Variants in NTM observed in about 807,000 individuals in gnomAD.
NTM encodes IgLON family member 2.
A neutral mutation model predicts 42.1 loss-of-function variants in NTM; 13 were observed. The observed-to-expected ratio is 0.31, with a 90% confidence interval of 0.20 to 0.49. NTM has a LOEUF of 0.49. Among genes scored for constraint, NTM ranks in the 20% least tolerant of loss-of-function variants. The pLI is 0.99. For missense variants in NTM, 373 were observed against 452.8 expected (o/e 0.82, Z 1.60); for synonymous variants, 187 against 179.2 (o/e 1.04, Z -0.35).
intron 2 of NTM, among the ~76,000 whole-genome samples, chr11:132,036,395 G>A (rs932000288): frequency 2.0e-5 from 3 of 152,166 alleles, no homozygotes; most frequent in African/African-American, 4.8e-5. Context: ...TCCACTCAGC[G>A]AGGAGATGAC....
At chr11:131,697,261 G>A (rs2075568831) in intron 1 of NTM, among the ~76,000 whole-genome samples, 1 of 152,188 alleles carries the variant, frequency 6.6e-6, no homozygotes, top group South Asian at 2.1e-4. Flanking sequence ...CAGTCGGATG[G>A]GTCTCTCAGA....
chr11:132,296,472 A>G (rs770014907), intron 4 of NTM, among the ~76,000 whole-genome samples: 2 of 152,108 alleles, frequency 1.3e-5, no homozygotes, highest in Non-Finnish European at 2.9e-5. Context: ...AACTTCTCTC[A>G]TATAATTTTC....
In NTM at chr11:132,331,800, T is replaced by C. The variant is rs555632539; in HGVS notation, c.967+1615T>C. Among the ~76,000 whole-genome samples, 3 of 152,162 alleles carry C rather than the reference T, an allele frequency of 2.0e-5. No homozygotes were observed. The East Asian group carries it at 5.8e-4, about 29-fold the overall frequency. ...CTGAAGGCTGGAAGAGGAGCTGGAA[T>C]GAAGAATAAGAGTGATATGGGTGAG... On this transcript the variant is annotated intron_variant, in intron 8 of 8. Transcript: ENST00000683400.
intron 3 of NTM, among the ~76,000 whole-genome samples, chr11:132,178,205 A>G (rs1343520010): frequency 6.6e-6 from 1 of 152,232 alleles, no homozygotes; most frequent in Non-Finnish European, 1.5e-5. Context: ...CTTAGGTCAC[A>G]GAGATAAACA....
chr11:132,317,705 T>G (rs1432371329), intron 7 of NTM: 1 of 1,301,440 alleles, frequency 7.7e-7, no homozygotes, highest in African/African-American at 1.5e-5. Flanking sequence ...GTATCTTCCT[T>G]GCTTTATGTT....
intron 1 of NTM, among the ~76,000 whole-genome samples, chr11:131,659,889 C>T (rs1407268355): frequency 4.6e-5 from 7 of 152,154 alleles, no homozygotes; most frequent in Admixed American, 2.0e-4. Context: ...AAACTGAAAC[C>T]TTTAAGAAGA....
At chr11:132,085,861 G>A (rs1261167579) in intron 2 of NTM, among the ~76,000 whole-genome samples, 3 of 152,090 alleles carry the variant, frequency 2.0e-5, no homozygotes, top group African/African-American at 7.2e-5. Flanking sequence ...AGACACAGCT[G>A]GAAGACAAAA....
At chr11:131,959,044 AG>A (rs1165544630) in intron 2 of NTM, among the ~76,000 whole-genome samples, 1 of 152,186 alleles carries the variant, frequency 6.6e-6, no homozygotes, top group Non-Finnish European at 1.5e-5. Context: ...GTGGCACAGC[AG>A]GCAGCATGAG....
intron 3 of NTM, among the ~76,000 whole-genome samples, chr11:132,150,182 A>AGG (rs2071532964): frequency 6.6e-6 from 1 of 152,190 alleles, no homozygotes; most frequent in Admixed American, 6.5e-5. Flanking sequence ...CAGAGACAGC[A>AGG]GGGACGGTGC....
intron 1 of NTM, among the ~76,000 whole-genome samples, chr11:131,908,064 G>T (rs1223580212): frequency 6.6e-6 from 1 of 152,226 alleles, no homozygotes; most frequent in Non-Finnish European, 1.5e-5. Flanking sequence ...GAGGTTGCAA[G>T]TGCCTTTTCT....
intron 4 of NTM, among the ~76,000 whole-genome samples, chr11:132,305,647 G>A (rs773146477): frequency 3.3e-5 from 5 of 152,176 alleles, no homozygotes; most frequent in South Asian, 2.1e-4. Flanking sequence ...ATGTAAGCCC[G>A]TGGTTGGTAG....
At chr11:131,835,300 G>T (rs1222235805) in intron 1 of NTM, among the ~76,000 whole-genome samples, 3 of 152,110 alleles carry the variant, frequency 2.0e-5, no homozygotes, top group African/African-American at 7.2e-5. Flanking sequence ...CGAGAATGTT[G>T]CTGGGATCAC....
intron 1 of NTM, among the ~76,000 whole-genome samples, chr11:131,814,556 AAAAG>A (rs2092870457): frequency 1.3e-5 from 2 of 152,178 alleles, no homozygotes; most frequent in Admixed American, 6.5e-5. Context: ...AAAAAAAAAT[AAAAG>A]AAAGAAAATG....
At position 132,061,728 on chromosome 11, in the gene NTM, C is replaced by T. The variant is rs536135141; in HGVS notation, c.168-84554C>T. 3.3e-5 allele frequency among the ~76,000 whole-genome samples: 5 copies of T among 152,246 alleles called. No homozygotes were observed. The South Asian group carries it at 1.0e-3, about 32-fold the overall frequency. On this transcript the variant is annotated intron_variant, in intron 2 of 8. Transcript: ENST00000683400. Reference sequence around the variant, plus strand: ...ATCCTTGCCAAGTGGAGATGAATGTCACAGGAGACCTCAGGCAGTTATACA... The same window carrying T: ...ATCCTTGCCAAGTGGAGATGAATGTTACAGGAGACCTCAGGCAGTTATACA...
At chr11:131,493,931 G>A (rs1955063894) in intron 1 of NTM, among the ~76,000 whole-genome samples, 1 of 152,034 alleles carries the variant, frequency 6.6e-6, no homozygotes, top group Admixed American at 6.6e-5. Context: ...TTTCAATTCT[G>A]CTTTCATGCC....
chr11:132,191,992 C>A (rs1312946394), intron 3 of NTM, among the ~76,000 whole-genome samples: 1 of 152,004 alleles, frequency 6.6e-6, no homozygotes, highest in Non-Finnish European at 1.5e-5. Context: ...TAAAAATGAA[C>A]AAAACCTTCA....
intron 2 of NTM, among the ~76,000 whole-genome samples, chr11:132,052,714 AG>A (rs2079027760): frequency 6.6e-6 from 1 of 151,854 alleles, no homozygotes; most frequent in Non-Finnish European, 1.5e-5. Flanking sequence ...TCTTTTTTCT[AG>A]GGGGCAAGTG....
intron 1 of NTM, among the ~76,000 whole-genome samples, chr11:131,673,588 G>A (rs1343856092): frequency 6.6e-6 from 1 of 152,222 alleles, no homozygotes; most frequent in East Asian, 1.9e-4. Context: ...GATACAGTTA[G>A]CGGGTGATGC....
chr11:131,916,788 C>T (rs75525188), intron 2 of NTM, among the ~76,000 whole-genome samples: 3,149 of 152,278 alleles, frequency 0.021, 110 homozygotes, highest in African/African-American at 0.069. Flanking sequence ...CAATAAAATC[C>T]GAAGGACTCT....
Sources: allele counts gnomAD v4.1 joint callset (sites outside exome capture counted in the v4.1 genomes callset), GRCh38; gene constraint gnomAD v4.1.1; transcripts MANE v1.5; gene names NCBI Gene and HGNC (gene_info 2026-07-23, HGNC 2026-07-21).